ELMO1: variants seen among roughly 807,000 people sequenced by gnomAD.
ELMO1 encodes the protein engulfment and cell motility 1, also known as engulfment and cell motility protein 1.
In ELMO1, 26 loss-of-function variants were observed where a neutral mutation model predicts 98.9. The ratio of observed to expected loss-of-function variants is 0.26; its 90% CI spans 0.19 to 0.36. The LOEUF is 0.36. Among genes scored for constraint, ELMO1 ranks in the 10% least tolerant of loss-of-function variants. The probability of loss-of-function intolerance (pLI) is 1.00; values close to 1 mark genes in which losing one functional copy is unlikely to be tolerated. For synonymous variants in ELMO1, 346 were observed against 346.0 expected, an observed-to-expected ratio of 1.00 and a Z score of 0.00; for missense variants, 627 against 935.2, an observed-to-expected ratio of 0.67 and a Z score of 4.30.
chr7:37,352,521 A>G (rs1307841977), intron 1 of ELMO1, among the ~76,000 whole-genome samples: 1 of 152,220 alleles, frequency 6.6e-6, no homozygotes, highest in Non-Finnish European at 1.5e-5. Flanking sequence ...ATCTGTCCAG[A>G]AAACTTTTTT....
At chr7:37,327,765 T>C (rs909474052) in intron 2 of ELMO1, among the ~76,000 whole-genome samples, 3 of 151,962 alleles carry the variant, frequency 2.0e-5, no homozygotes, top group Admixed American at 2.0e-4. Flanking sequence ...GGCTTCTGAG[T>C]CTCAAAAAAT....
At chr7:37,006,273 C>G (rs915730103) in intron 16 of ELMO1, among the ~76,000 whole-genome samples, 1 of 152,234 alleles carries the variant, frequency 6.6e-6, no homozygotes, top group East Asian at 1.9e-4. Flanking sequence ...TGATAAAGTG[C>G]AAATTACTGA....
intron 13 of ELMO1, among the ~76,000 whole-genome samples, chr7:37,191,746 C>T (rs559684113): frequency 1.3e-5 from 2 of 152,150 alleles, no homozygotes; most frequent in Admixed American, 6.5e-5. Context: ...GGTCAAAACC[C>T]GTCTCTGCTA....
chr7:37,103,191 A>G (rs770957248), intron 14 of ELMO1, among the ~76,000 whole-genome samples: 1 of 152,226 alleles, frequency 6.6e-6, no homozygotes, highest in Non-Finnish European at 1.5e-5. Flanking sequence ...GTTCCAAGGT[A>G]TTACTATTTG....
At chr7:37,447,681 CCA>C (rs1422451410) in intron 1 of ELMO1, among the ~76,000 whole-genome samples, 9 of 149,634 alleles carry the variant, frequency 6.0e-5, no homozygotes, top group South Asian at 2.1e-4. Flanking sequence ...CGACGACACA[CCA>C]CACACACATA....
chr7:37,094,458 G>A (rs946363312), intron 15 of ELMO1, among the ~76,000 whole-genome samples: 50 of 152,240 alleles, frequency 3.3e-4, no homozygotes, highest in African/African-American at 1.1e-3. Flanking sequence ...CCTGCCAGAG[G>A]TCAAGCTCTA....
At chr7:37,386,500 T>C (rs1321467913) in intron 1 of ELMO1, among the ~76,000 whole-genome samples, 2 of 151,968 alleles carry the variant, frequency 1.3e-5, no homozygotes, top group African/African-American at 4.8e-5. Context: ...TTATTGTCCC[T>C]AAGTGTTAAA....
intron 1 of ELMO1, among the ~76,000 whole-genome samples, chr7:37,410,770 A>G (rs1338871201): frequency 1.3e-5 from 2 of 152,200 alleles, no homozygotes; most frequent in African/African-American, 2.4e-5. Context: ...TTTGGTAGAG[A>G]AACAAAAAAC....
chr7:37,009,043 A>G (rs964058883), intron 16 of ELMO1, among the ~76,000 whole-genome samples: 1 of 152,216 alleles, frequency 6.6e-6, no homozygotes, highest in African/African-American at 2.4e-5. Flanking sequence ...TATACTCTAA[A>G]GTGTATACTC....
At chr7:36,988,887 C>T (rs1035438404) in intron 16 of ELMO1, among the ~76,000 whole-genome samples, 1 of 152,192 alleles carries the variant, frequency 6.6e-6, no homozygotes, top group Non-Finnish European at 1.5e-5. Context: ...TGCAGTGCTC[C>T]AGTTAAATGA....
intron 1 of ELMO1, among the ~76,000 whole-genome samples, chr7:37,431,934 T>A (rs1804949067): frequency 6.6e-6 from 1 of 152,156 alleles, no homozygotes. Flanking sequence ...CAGGCTGGAG[T>A]GCAATGGTGC....
chr7:36,916,632 G>T (rs1190084239), intron 16 of ELMO1, among the ~76,000 whole-genome samples: 5 of 152,176 alleles, frequency 3.3e-5, no homozygotes, highest in Non-Finnish European at 5.9e-5. Flanking sequence ...AGTGCCTAAA[G>T]TACAAAACCA....
intron 15 of ELMO1, among the ~76,000 whole-genome samples, chr7:37,049,853 C>T (rs778770562): frequency 6.6e-6 from 1 of 150,674 alleles, no homozygotes; most frequent in Non-Finnish European, 1.5e-5. Context: ...TCTCGGCTCA[C>T]CACAACCTCC....
At chr7:37,228,416 A>G (rs1793983725) in intron 8 of ELMO1, among the ~76,000 whole-genome samples, 1 of 152,142 alleles carries the variant, frequency 6.6e-6, no homozygotes, top group African/African-American at 2.4e-5. Flanking sequence ...CAGCTCCATT[A>G]CTGTACTTTT....
chr7:36,872,699 A>G (rs2129041583), intron 19 of ELMO1, among the ~76,000 whole-genome samples: 1 of 152,074 alleles, frequency 6.6e-6, no homozygotes, highest in Admixed American at 6.5e-5. Flanking sequence ...CCTAATCCCT[A>G]CCGTAGGAAG....
At chr7:36,892,228 C>T (rs1007243926) in intron 17 of ELMO1, among the ~76,000 whole-genome samples, 2 of 152,188 alleles carry the variant, frequency 1.3e-5, no homozygotes, top group African/African-American at 4.8e-5. Flanking sequence ...GGGAGGAGGG[C>T]AGCCTGATGG....
chr7:37,164,167 C>T (rs1433901035), intron 13 of ELMO1, among the ~76,000 whole-genome samples: 2 of 152,110 alleles, frequency 1.3e-5, no homozygotes, highest in Admixed American at 6.6e-5. Flanking sequence ...TATCCTTTGC[C>T]CACTTTTTCA....
intron 13 of ELMO1, among the ~76,000 whole-genome samples, chr7:37,145,017 T>C (rs1170111297): frequency 6.6e-6 from 1 of 152,162 alleles, no homozygotes; most frequent in Admixed American, 6.5e-5. Context: ...TCTTATTTTA[T>C]AGACAAAAAA....
chr7:37,120,324 A>C (rs1032396189), intron 14 of ELMO1, among the ~76,000 whole-genome samples: 1 of 152,238 alleles, frequency 6.6e-6, no homozygotes, highest in African/African-American at 2.4e-5. Flanking sequence ...AAGCAGGGAG[A>C]GGCGTTGCCT....
Sources: gnomAD v4.1 joint callset for allele counts (sites outside exome capture counted in the v4.1 genomes callset) on GRCh38, gnomAD v4.1.1 for gene constraint, MANE v1.5 for transcripts, NCBI Gene and HGNC (gene_info 2026-07-23, HGNC 2026-07-21) for gene names.